The following MYO5B variants were observed in gnomAD, a reference collection of about 807,000 sequenced individuals.
MYO5B encodes unconventional myosin-Vb.
MYO5B carries 143 observed loss-of-function variants against 229.3 expected under a neutral mutation model. That is an observed-to-expected ratio of 0.62 (90% CI 0.54 to 0.72). MYO5B has a LOEUF of 0.72. Among genes scored for constraint, MYO5B ranks in the 30% least tolerant of loss-of-function variants. The probability of loss-of-function intolerance (pLI) is 0.00; values close to 1 mark genes in which losing one functional copy is unlikely to be tolerated. For synonymous variants in MYO5B, 918 were observed against 885.2 expected, an observed-to-expected ratio of 1.04 and a Z score of -0.66; for missense variants, 2,321 against 2,331.0, an observed-to-expected ratio of 1.00 and a Z score of 0.09.
chr18:50,005,262 T>C (rs1246256917), intron 4 of MYO5B, among the ~76,000 whole-genome samples: 3 of 152,188 alleles, frequency 2.0e-5, no homozygotes, highest in African/African-American at 4.8e-5. Flanking sequence ...AGTATGGGGT[T>C]TTGTGAAAAG....
chr18:50,076,463 C>T (rs993902507), intron 1 of MYO5B, among the ~76,000 whole-genome samples: 12 of 152,170 alleles, frequency 7.9e-5, no homozygotes, highest in Admixed American at 7.9e-4. Context: ...AAAGATCACA[C>T]AGCCATGGCA....
intron 1 of MYO5B, among the ~76,000 whole-genome samples, chr18:50,177,160 T>C (rs566008021): frequency 5.1e-4 from 77 of 152,212 alleles, no homozygotes; most frequent in Non-Finnish European, 8.7e-4. Context: ...CTTATTTTTT[T>C]AAAAAAGTTG....
chr18:49,959,345 T>C (rs2025531033), intron 12 of MYO5B, among the ~76,000 whole-genome samples: 1 of 152,184 alleles, frequency 6.6e-6, no homozygotes, highest in African/African-American at 2.4e-5. Flanking sequence ...TACATAAATG[T>C]GGCAAGGGCA....
intron 4 of MYO5B, among the ~76,000 whole-genome samples, chr18:50,002,108 C>T (rs1312745420): frequency 6.6e-6 from 1 of 152,004 alleles, no homozygotes; most frequent in Non-Finnish European, 1.5e-5. Flanking sequence ...CCTAACATTC[C>T]CATCTTGTGT....
chr18:50,164,426 A>G (rs949759262), intron 1 of MYO5B, among the ~76,000 whole-genome samples: 2 of 152,180 alleles, frequency 1.3e-5, no homozygotes, highest in African/African-American at 4.8e-5. Flanking sequence ...GACACACACC[A>G]ACACAGCGTA....
chr18:50,013,278 A>G (rs1002562068), intron 4 of MYO5B, among the ~76,000 whole-genome samples: 7 of 152,342 alleles, frequency 4.6e-5, no homozygotes, highest in Middle Eastern at 6.8e-3. Flanking sequence ...CACTTTTTTC[A>G]GCCACACCAG....
chr18:49,880,221 A>T, intron 23 of MYO5B, 150 bp downstream of exon 23: 1 of 763,366 alleles, frequency 1.3e-6, no homozygotes, highest in Non-Finnish European at 2.3e-6. Flanking sequence ...GTGGGATCTT[A>T]AAGGTCATTA....
At chr18:49,979,274 A>G (rs2144291446) in intron 9 of MYO5B, among the ~76,000 whole-genome samples, 1 of 152,296 alleles carries the variant, frequency 6.6e-6, no homozygotes, top group East Asian at 1.9e-4. Context: ...ACCTAACGCT[A>G]CCAGCACCAA....
chr18:49,900,447 T>A (rs2024828666), intron 21 of MYO5B, among the ~76,000 whole-genome samples: 1 of 152,176 alleles, frequency 6.6e-6, no homozygotes, highest in Admixed American at 6.5e-5. Context: ...AGGCACCCTG[T>A]AGAACTAACA....
At chr18:49,867,492 G>C (rs1019860343) in intron 27 of MYO5B, among the ~76,000 whole-genome samples, 1 of 152,102 alleles carries the variant, frequency 6.6e-6, no homozygotes, top group Non-Finnish European at 1.5e-5. Flanking sequence ...AGTGTGCTGA[G>C]GCTGGGCCCT....
chr18:49,870,680 T>G (rs2024446330), intron 27 of MYO5B, among the ~76,000 whole-genome samples: 1 of 152,134 alleles, frequency 6.6e-6, no homozygotes. Context: ...GAGAAGATGC[T>G]CAGTATTACT....
chr18:50,135,752 T>C (rs2032325566), intron 1 of MYO5B, among the ~76,000 whole-genome samples: 1 of 152,222 alleles, frequency 6.6e-6, no homozygotes, highest in South Asian at 2.1e-4. Flanking sequence ...AGCTACATCC[T>C]GTTAGACTGT....
intron 1 of MYO5B, among the ~76,000 whole-genome samples, chr18:50,099,609 A>G (rs2031616384): frequency 6.6e-6 from 1 of 152,224 alleles, no homozygotes. Context: ...ATCTTACTCT[A>G]AGTGAGACAT....
At chr18:49,871,709 C>T in intron 27 of MYO5B, 1 of 247,890 alleles carries the variant, frequency 4.0e-6, no homozygotes, top group South Asian at 5.9e-5. Context: ...GGCAGATAGG[C>T]TAAATTCCCA....
intron 10 of MYO5B, among the ~76,000 whole-genome samples, chr18:49,971,450 T>G (rs1167334507): frequency 6.6e-6 from 1 of 152,212 alleles, no homozygotes; most frequent in Non-Finnish European, 1.5e-5. Context: ...ATCCCAAGTT[T>G]CCACCCAGGG....
chr18:49,901,566 T>A (rs1222769065), intron 21 of MYO5B, among the ~76,000 whole-genome samples: 1 of 152,210 alleles, frequency 6.6e-6, no homozygotes, highest in Non-Finnish European at 1.5e-5. Context: ...TGCATATGCA[T>A]TAGACCATTT....
chr18:49,965,483 A>ACACACACACC (rs1351541282), intron 10 of MYO5B, among the ~76,000 whole-genome samples: 101 of 148,952 alleles, frequency 6.8e-4, no homozygotes, highest in Middle Eastern at 3.4e-3. Context: ...ACACACACAC[A>ACACACACACC]CCTCTTCTCA....
intron 32 of MYO5B, among the ~76,000 whole-genome samples, chr18:49,848,563 C>T (rs2024159930): frequency 9.3e-6 from 1 of 107,802 alleles, no homozygotes; most frequent in Non-Finnish European, 2.0e-5. Context: ...ATTCTGCAGG[C>T]AATAAGGCAA....
At chr18:50,177,701 G>A (rs1275727811) in intron 1 of MYO5B, among the ~76,000 whole-genome samples, 3 of 152,208 alleles carry the variant, frequency 2.0e-5, no homozygotes, top group African/African-American at 4.8e-5. Context: ...AAATGATGTG[G>A]GTCTTCATCA....
Sources: allele counts gnomAD v4.1 joint callset (sites outside exome capture counted in the v4.1 genomes callset), GRCh38; gene constraint gnomAD v4.1.1; transcripts MANE v1.5; gene names NCBI Gene and HGNC (gene_info 2026-07-23, HGNC 2026-07-21).